The following CNTN5 variants were observed in gnomAD, a reference collection of about 807,000 sequenced individuals.
CNTN5 encodes contactin 5, also known as contactin-5.
A neutral mutation model predicts 129.1 loss-of-function variants in CNTN5; 77 were observed. That is an observed-to-expected ratio of 0.60 (90% CI 0.50 to 0.72). The LOEUF is 0.72. Among genes scored for constraint, CNTN5 ranks in the 30% least tolerant of loss-of-function variants. The pLI is 0.00. For missense variants in CNTN5, 1,478 were observed against 1,328.8 expected (o/e 1.11, Z -1.75); for synonymous variants, 509 against 465.6 (o/e 1.09, Z -1.20).
At chr11:99,381,217 C>A (rs775113070) in intron 2 of CNTN5, among the ~76,000 whole-genome samples, 4 of 152,062 alleles carry the variant, frequency 2.6e-5, no homozygotes, top group Non-Finnish European at 2.9e-5. Context: ...ATATAAAATT[C>A]CCTGGAGCCA....
At chr11:99,833,659 T>C (rs572150360) in intron 4 of CNTN5, among the ~76,000 whole-genome samples, 4 of 152,312 alleles carry the variant, frequency 2.6e-5, no homozygotes, top group East Asian at 1.9e-4. Context: ...TGCAATCTTA[T>C]TGTAAACTGA....
At chr11:99,983,010 T>G (rs756425352) in intron 8 of CNTN5, among the ~76,000 whole-genome samples, 4 of 152,232 alleles carry the variant, frequency 2.6e-5, no homozygotes, top group Admixed American at 2.6e-4. Context: ...GGTAGCCAGA[T>G]AGAAGTTAAT....
chr11:99,692,861 A>C (rs1457729192), intron 3 of CNTN5, among the ~76,000 whole-genome samples: 1 of 152,162 alleles, frequency 6.6e-6, no homozygotes, highest in Non-Finnish European at 1.5e-5. Context: ...AAATTTATTG[A>C]TATCATTAGA....
At chr11:99,045,935 G>A (rs1370743561) in intron 1 of CNTN5, among the ~76,000 whole-genome samples, 1 of 152,150 alleles carries the variant, frequency 6.6e-6, no homozygotes, top group African/African-American at 2.4e-5. Context: ...AAATCAAGCT[G>A]CTGTCAGTCA....
At chr11:100,259,832 C>T (rs868268771) in intron 17 of CNTN5, among the ~76,000 whole-genome samples, 66 of 151,310 alleles carry the variant, frequency 4.4e-4, no homozygotes, top group African/African-American at 1.4e-3. Flanking sequence ...AAATGCCCAC[C>T]GGAGAAAGCG....
At chr11:99,068,517 T>TA (rs1865198407) in intron 1 of CNTN5, among the ~76,000 whole-genome samples, 1 of 152,138 alleles carries the variant, frequency 6.6e-6, no homozygotes, top group Admixed American at 6.5e-5. Context: ...CTATTGGAGA[T>TA]ATTAATACCA....
intron 13 of CNTN5, among the ~76,000 whole-genome samples, chr11:100,172,870 T>C (rs905892028): frequency 5.9e-5 from 9 of 151,990 alleles, no homozygotes; most frequent in Admixed American, 5.9e-4. Context: ...TGGGGAGCAT[T>C]AAGTCAGTTA....
At chr11:100,050,586 T>C (rs1942903237) in intron 9 of CNTN5, among the ~76,000 whole-genome samples, 1 of 151,750 alleles carries the variant, frequency 6.6e-6, no homozygotes, top group African/African-American at 2.4e-5. Context: ...GTAACTAACC[T>C]GCACATTGTG....
At position 99,934,275 on chromosome 11, in the gene CNTN5, T is replaced by C. The variant is rs1033480894; in HGVS notation, c.673+18126T>C. On this transcript the variant is annotated intron_variant, in intron 7 of 24. Transcript: ENST00000524871. ...ATATTTACTTGCTTTTTCTTTCTCT[T>C]AGTTGAAGAATCTTTTTCTTAACCC... is the stretch of plus-strand genomic sequence containing the variant. 3.9e-5 allele frequency among the ~76,000 whole-genome samples: 6 copies of C among 152,330 alleles called. No homozygotes were observed. In the South Asian group the frequency reaches 1.2e-3, roughly 32 times the overall value.
At chr11:99,489,255 G>T (rs1487717837) in intron 2 of CNTN5, among the ~76,000 whole-genome samples, 2 of 152,166 alleles carry the variant, frequency 1.3e-5, no homozygotes, top group East Asian at 1.9e-4. Context: ...AGTTTAAGTG[G>T]CATTCAGGTG....
At chr11:99,855,531 A>G (rs940968420) in intron 6 of CNTN5, among the ~76,000 whole-genome samples, 1 of 152,180 alleles carries the variant, frequency 6.6e-6, no homozygotes, top group Admixed American at 6.5e-5. Flanking sequence ...GATGTGAACA[A>G]CACAGCTTCA....
rs199816880 is a variant in CNTN5 at position 99,659,249 on chromosome 11, GA to G, written c.55+102987del. ...CTGAATGAGTAATAAAAGAAAAAGG[GA>G]AAAAAATTATGAAAGGAAGAGAATC... On this transcript the variant is annotated intron_variant, in intron 3 of 24. Coordinates refer to ENST00000524871, the MANE Select transcript of CNTN5 (RefSeq NM_014361.4). 9.1e-3 allele frequency among the ~76,000 whole-genome samples: 1,388 copies of G among 152,160 alleles called. 23 individuals are homozygous for G. Among genetic ancestry groups the G allele is most frequent in the African/African-American group, 0.031 (1,305 of 41,542 alleles).
At chr11:99,297,263 C>A (rs1212226982) in intron 1 of CNTN5, among the ~76,000 whole-genome samples, 1 of 152,168 alleles carries the variant, frequency 6.6e-6, no homozygotes, top group African/African-American at 2.4e-5. Flanking sequence ...GAGAAAGACC[C>A]ATCCATTGAA....
chr11:99,811,492 T>C (rs1219776175), intron 3 of CNTN5, among the ~76,000 whole-genome samples: 3 of 148,034 alleles, frequency 2.0e-5, no homozygotes, highest in Non-Finnish European at 3.0e-5. Context: ...ATAACTATTA[T>C]ATTTATAATA....
At chr11:100,286,478 A>AC (rs1294839438) in intron 18 of CNTN5, among the ~76,000 whole-genome samples, 36 of 149,914 alleles carry the variant, frequency 2.4e-4, no homozygotes, top group Non-Finnish European at 3.8e-4. Context: ...ACTGGGAGGC[A>AC]CCCCCCAGCA....
At chr11:100,336,783 C>T (rs1439582423) in intron 21 of CNTN5, 3 of 321,616 alleles carry the variant, frequency 9.3e-6, no homozygotes, top group South Asian at 7.6e-5. Flanking sequence ...CGGCAGCCTC[C>T]GGATTCTGAG....
chr11:99,805,676 T>G (rs1242635240), intron 3 of CNTN5, among the ~76,000 whole-genome samples: 1 of 152,078 alleles, frequency 6.6e-6, no homozygotes, highest in Non-Finnish European at 1.5e-5. Flanking sequence ...AAAGAATGAA[T>G]TAGGGTTCTT....
intron 6 of CNTN5, among the ~76,000 whole-genome samples, chr11:99,875,572 ATTC>A (rs1288973312): frequency 5.9e-5 from 9 of 152,092 alleles, no homozygotes; most frequent in African/African-American, 2.2e-4. Flanking sequence ...TGTGCACTGT[ATTC>A]TTTTATATAG....
At chr11:100,129,466 T>C (rs756323794) in intron 13 of CNTN5, among the ~76,000 whole-genome samples, 2 of 152,144 alleles carry the variant, frequency 1.3e-5, no homozygotes, top group African/African-American at 4.8e-5. Context: ...CAAAATTCCT[T>C]TGAAGACCGA....
Sources: gnomAD v4.1 joint callset for allele counts (sites outside exome capture counted in the v4.1 genomes callset) on GRCh38, gnomAD v4.1.1 for gene constraint, MANE v1.5 for transcripts, NCBI Gene and HGNC (gene_info 2026-07-23, HGNC 2026-07-21) for gene names.